SOX5: variants seen among roughly 807,000 people sequenced by gnomAD.
SOX5 encodes SRY-box transcription factor 5, also known as transcription factor SOX-5.
SOX5 carries 9 observed loss-of-function variants against 92.0 expected under a neutral mutation model. That is an observed-to-expected ratio of 0.10 (90% CI 0.06 to 0.17). The LOEUF is 0.17. Among genes scored for constraint, SOX5 ranks in the 10% least tolerant of loss-of-function variants. SOX5 has a pLI of 1.00. For missense variants in SOX5, 642 were observed against 944.5 expected, an observed-to-expected ratio of 0.68 and a Z score of 4.20; for synonymous variants, 344 against 336.3, an observed-to-expected ratio of 1.02 and a Z score of -0.25.
At chr12:24,188,432 T>G (rs7299432) in intron 4 of SOX5, among the ~76,000 whole-genome samples, 1 of 151,904 alleles carries the variant, frequency 6.6e-6, no homozygotes, top group African/African-American at 2.4e-5. Flanking sequence ...GCAACAAGTA[T>G]TTATTCAATA....
chr12:24,004,212 A>C (rs1294397619), intron 4 of SOX5, among the ~76,000 whole-genome samples: 1 of 150,196 alleles, frequency 6.7e-6, no homozygotes. Flanking sequence ...AGAAAACAGA[A>C]AAAAAAAAAA....
chr12:24,438,965 T>C (rs1314422750), intron 1 of SOX5, among the ~76,000 whole-genome samples: 1 of 152,250 alleles, frequency 6.6e-6, no homozygotes, highest in African/African-American at 2.4e-5. Context: ...GGTAAAATGC[T>C]GTCAAACAGC....
At position 24,350,930 on chromosome 12, in the gene SOX5, G is replaced by A. The variant is rs140239094; in HGVS notation, c.-174+17633C>T. On this transcript the variant is annotated intron_variant, in intron 2 of 4. Transcript: ENST00000446891. Reference sequence around the variant, plus strand: ...TAGCCGAGTATGATGGTGCACACACGCCTGTAATCCCAGCTACCTGAGAGG... The same window carrying A: ...TAGCCGAGTATGATGGTGCACACACACCTGTAATCCCAGCTACCTGAGAGG... Among the ~76,000 whole-genome samples the A allele has an allele frequency of 2.7e-3, 413 of 152,162 alleles. 2 individuals carry two copies. Among genetic ancestry groups the A allele is most frequent in the African/African-American group, 9.3e-3 (388 of 41,510 alleles).
intron 4 of SOX5, among the ~76,000 whole-genome samples, chr12:24,068,401 G>GA (rs1054319943): frequency 1.5e-4 from 22 of 151,660 alleles, no homozygotes; most frequent in African/African-American, 4.8e-4. Context: ...GCATTTTTGG[G>GA]AAAAAAAGAA....
intron 1 of SOX5, among the ~76,000 whole-genome samples, chr12:23,901,451 A>G (rs2080482450): frequency 6.6e-6 from 1 of 152,236 alleles, no homozygotes; most frequent in Admixed American, 6.5e-5. Context: ...CATTGATTTA[A>G]GCACTTTGTT....
chr12:24,091,410 A>C (rs1015716413), intron 4 of SOX5, among the ~76,000 whole-genome samples: 5 of 151,238 alleles, frequency 3.3e-5, no homozygotes, highest in African/African-American at 1.2e-4. Context: ...AAGAAGCATA[A>C]AGTAAATAGA....
chr12:24,245,599 T>C (rs1938531741), intron 3 of SOX5, among the ~76,000 whole-genome samples: 1 of 152,092 alleles, frequency 6.6e-6, no homozygotes, highest in South Asian at 2.1e-4. Flanking sequence ...TTGGGGTCTT[T>C]GCCAGCTTGG....
intron 4 of SOX5, among the ~76,000 whole-genome samples, chr12:23,979,707 G>GTTGTTGTTT (rs1949333613): frequency 1.8e-4 from 14 of 77,472 alleles, no homozygotes; most frequent in African/African-American, 7.7e-4. Flanking sequence ...TGTTTTTTTT[G>GTTGTTGTTT]TTTTTTTTTT....
At chr12:24,302,400 A>G (rs772687690) in intron 2 of SOX5, among the ~76,000 whole-genome samples, 1 of 152,198 alleles carries the variant, frequency 6.6e-6, no homozygotes, top group Non-Finnish European at 1.5e-5. Context: ...AGGGTTCTAT[A>G]CAAGTACTTT....
At chr12:24,156,797 T>A (rs1427490830) in intron 4 of SOX5, among the ~76,000 whole-genome samples, 1 of 152,168 alleles carries the variant, frequency 6.6e-6, no homozygotes, top group Non-Finnish European at 1.5e-5. Flanking sequence ...TATTACCATA[T>A]TCTTTCTACA....
intron 2 of SOX5, among the ~76,000 whole-genome samples, chr12:23,861,913 TAGAC>T (rs1180810939): frequency 6.6e-6 from 1 of 152,154 alleles, no homozygotes; most frequent in Non-Finnish European, 1.5e-5. Context: ...ACCTTGAACA[TAGAC>T]AGGGGGTAAA....
chr12:23,684,559 T>C (rs1358534191), intron 6 of SOX5, among the ~76,000 whole-genome samples: 1 of 152,102 alleles, frequency 6.6e-6, no homozygotes, highest in Non-Finnish European at 1.5e-5. Context: ...TTCTTTTAAT[T>C]ACACATTTCC....
At chr12:24,378,422 T>C (rs1957502236) in intron 1 of SOX5, among the ~76,000 whole-genome samples, 2 of 152,220 alleles carry the variant, frequency 1.3e-5, no homozygotes, top group Admixed American at 1.3e-4. Flanking sequence ...ATTCAAACAG[T>C]CTTTAATCTT....
intron 2 of SOX5, among the ~76,000 whole-genome samples, chr12:23,877,642 C>G (rs1380927919): frequency 6.6e-6 from 1 of 152,102 alleles, no homozygotes; most frequent in African/African-American, 2.4e-5. Flanking sequence ...AACTACAGAA[C>G]TGACTTCTCA....
chr12:24,256,462 G>T (rs1489430247), intron 3 of SOX5, among the ~76,000 whole-genome samples: 1 of 152,078 alleles, frequency 6.6e-6, no homozygotes, highest in Non-Finnish European at 1.5e-5. Context: ...TCCCACTTCT[G>T]CGACCGCCTT....
intron 2 of SOX5, among the ~76,000 whole-genome samples, chr12:23,885,738 C>T (rs1239429973): frequency 1.3e-5 from 2 of 152,022 alleles, no homozygotes; most frequent in African/African-American, 4.8e-5. Flanking sequence ...GATATGTAAC[C>T]AAATGGGCCA....
intron 4 of SOX5, among the ~76,000 whole-genome samples, chr12:24,008,986 C>G (rs1952620903): frequency 1.3e-5 from 2 of 152,214 alleles, no homozygotes; most frequent in Admixed American, 1.3e-4. Flanking sequence ...TGGAAGAAGT[C>G]ACTTGCCCTG....
chr12:23,838,150 ATATT>A (rs1383126991), intron 3 of SOX5, among the ~76,000 whole-genome samples: 1 of 142,430 alleles, frequency 7.0e-6, no homozygotes, highest in Non-Finnish European at 1.5e-5. Flanking sequence ...ACATATATTT[ATATT>A]TATATAATAT....
At chr12:23,871,339 T>C (rs2096870249) in intron 2 of SOX5, among the ~76,000 whole-genome samples, 1 of 152,218 alleles carries the variant, frequency 6.6e-6, no homozygotes, top group African/African-American at 2.4e-5. Context: ...TGTTTTGGTC[T>C]AGGCAGTAGA....
Sources: gnomAD v4.1 joint callset for allele counts (sites outside exome capture counted in the v4.1 genomes callset) on GRCh38, gnomAD v4.1.1 for gene constraint, MANE v1.5 for transcripts, NCBI Gene and HGNC (gene_info 2026-07-23, HGNC 2026-07-21) for gene names.